CELF2: variants seen among roughly 807,000 people sequenced by gnomAD.
CELF2 encodes CUGBP Elav-like family member 2.
Under a neutral mutation model 62.6 loss-of-function variants are expected in CELF2, and 8 were observed. The observed-to-expected ratio is 0.13, with a 90% CI of 0.07 to 0.23. CELF2 has a LOEUF of 0.23. Among genes scored for constraint, CELF2 ranks in the 10% least tolerant of loss-of-function variants. The probability of loss-of-function intolerance (pLI) is 1.00; values close to 1 mark genes in which losing one functional copy is unlikely to be tolerated. For missense variants in CELF2, 333 were observed against 671.0 expected, an observed-to-expected ratio of 0.50 and a Z score of 5.56; for synonymous variants, 258 against 250.0, an observed-to-expected ratio of 1.03 and a Z score of -0.30.
chr10:11,319,457 C>T lies in CELF2; in HGVS notation c.1097-1732C>T, dbSNP rs1307337511. On this transcript the variant is annotated intron_variant, in intron 10 of 12. Coordinates refer to ENST00000633077, the MANE Select transcript of CELF2 (RefSeq NM_001326342.2). The surrounding 1 kb of genome is among the most constrained non-coding windows in gnomAD (Gnocchi z 4.4). ...GAGGTGGCCGCGATTTGCTGGTGTC[C>T]GAGGGATCATTTAGGGTAATTAGGA... Among the ~76,000 whole-genome samples the T allele has an allele frequency of 2.6e-5, 4 of 152,058 alleles. No individual in the cohort carries two copies. Among genetic ancestry groups the T allele is most frequent in the Non-Finnish European group, 1.5e-5 (1 of 68,006 alleles).
At chr10:10,498,015 A>G in the CELF2 span, among the ~76,000 whole-genome samples, 5 of 152,220 alleles carry the variant, frequency 3.3e-5, no homozygotes, top group Admixed American at 2.6e-4. Flanking sequence ...GACAGTCGTG[A>G]TAAGAGGCGG....
chr10:10,763,070 C>T, the CELF2 span, among the ~76,000 whole-genome samples: 1 of 152,212 alleles, frequency 6.6e-6, no homozygotes, highest in Admixed American at 6.5e-5. Flanking sequence ...GCGATCTCTG[C>T]TTAGCCTCTT....
chr10:10,798,482 G>T, upstream of CELF2: 1 of 331,146 alleles, frequency 3.0e-6, no homozygotes, highest in Middle Eastern at 7.9e-4. Context: ...TGAGAGCTGT[G>T]CTTGGAATAA....
chr10:11,283,985 T>C (rs62634802), intron 8 of CELF2, among the ~76,000 whole-genome samples: 6 of 120,748 alleles, frequency 5.0e-5, no homozygotes, highest in South Asian at 2.8e-4. Flanking sequence ...CGGATGAGTG[T>C]GTGGTGAGTG....
the CELF2 span, chr10:10,776,102 A>T: frequency 6.5e-6 from 1 of 152,752 alleles, no homozygotes; most frequent in Middle Eastern, 3.4e-3. Flanking sequence ...CAGCCCTCCA[A>T]CGTAAATACC....
the CELF2 span, among the ~76,000 whole-genome samples, chr10:10,695,332 G>T: frequency 2.7e-3 from 380 of 142,648 alleles, 3 homozygotes; most frequent in Non-Finnish European, 4.2e-3. Flanking sequence ...TTGAATATTG[G>T]CCCCCACTCT....
At chr10:10,826,758 G>A (rs562072622) in intron 1 of CELF2, among the ~76,000 whole-genome samples, 1 of 152,326 alleles carries the variant, frequency 6.6e-6, no homozygotes, top group Admixed American at 6.5e-5. Flanking sequence ...GATAAAGAAT[G>A]CTTTGTTCTA....
In CELF2 at chr10:10,938,717, A is replaced by T. The variant is rs1033092073; in HGVS notation, c.89+18718A>T. Among the ~76,000 whole-genome samples the T allele has an allele frequency of 2.6e-5, 4 of 151,634 alleles. No homozygotes were observed. Among genetic ancestry groups the T allele is most frequent in the African/African-American group, 7.3e-5 (3 of 41,252 alleles). On this transcript the variant is annotated intron_variant, in intron 2 of 13. Transcript: ENST00000636488. This position sits in a 1 kb window ranked among gnomAD's most constrained non-coding sequence, Gnocchi z 4.2. ...GAATTTGAGTCTAAGGACATGAGGG[A>T]GGGGGATGTGAGACAGGAATGGGGG... is the stretch of plus-strand genomic sequence containing the variant.
chr10:11,047,336 G>A (rs2063047607), intron 1 of CELF2, among the ~76,000 whole-genome samples: 1 of 152,302 alleles, frequency 6.6e-6, no homozygotes, highest in Admixed American at 6.5e-5. Context: ...CTAGGAGGGT[G>A]TTCTGTGGAT....
chr10:10,957,241 A>G lies in CELF2; in HGVS notation c.89+37242A>G, dbSNP rs74452993. 8.2e-4 allele frequency among the ~76,000 whole-genome samples: 125 copies of G among 152,354 alleles called. 3 individuals are homozygous for G. In the East Asian group the frequency reaches 0.024, roughly 29 times the overall value. On this transcript the variant is annotated intron_variant, in intron 2 of 13. Transcript: ENST00000636488. This position sits in a 1 kb window ranked among gnomAD's most constrained non-coding sequence, Gnocchi z 4.1. ...CCCACTAATTCACTCAAACCGATTT[A>G]TGTATTTAGATATGACCTCAGGTGC...
At position 11,268,918 on chromosome 10, in the gene CELF2, T is replaced by C. The variant is rs915885136; in HGVS notation, c.619-1748T>C. 1.3e-5 allele frequency among the ~76,000 whole-genome samples: 2 copies of C among 152,228 alleles called. No individual in the cohort carries two copies. The highest frequency in any genetic ancestry group is 4.8e-5 in the African/African-American group (2 of 41,442). On this transcript the variant is annotated intron_variant, in intron 6 of 12. Transcript: ENST00000633077. This position sits in a 1 kb window ranked among gnomAD's most constrained non-coding sequence, Gnocchi z 4.7. ...TATATCGTGCCTTCTGTTTCTCCAC[T>C]TGCCTTCACTCTATCCCTGCCCTGT... is the stretch of plus-strand genomic sequence containing the variant.
intron 1 of CELF2, among the ~76,000 whole-genome samples, chr10:11,131,783 A>G (rs780699842): frequency 5.3e-5 from 8 of 152,212 alleles, no homozygotes; most frequent in African/African-American, 9.6e-5. Flanking sequence ...TTTTGGGAAA[A>G]GAGAGGGTTC....
chr10:11,329,320 T>C lies in CELF2; in HGVS notation c.*267T>C, dbSNP rs758622202. 2 of 267,892 alleles carry C rather than the reference T, an allele frequency of 7.5e-6. No homozygotes were observed. The highest frequency in any genetic ancestry group is 6.9e-6 in the Non-Finnish European group (1 of 143,938). 16.6% of individuals were successfully genotyped at this position (267,892 alleles called of 1,614,324 possible). On this transcript the variant is annotated 3_prime_UTR_variant, in exon 13 of 13. Coordinates refer to ENST00000633077, the MANE Select transcript of CELF2 (RefSeq NM_001326342.2). The surrounding 1 kb of genome is among the most constrained non-coding windows in gnomAD (Gnocchi z 5.5). ...TCTCCTTTGTTTTGCGATTTGAATC[T>C]CCTTTTACCTTTTTTTTTAATTTTT...
chr10:11,023,780 A>G (rs1009643703), intron 1 of CELF2, among the ~76,000 whole-genome samples: 7 of 152,242 alleles, frequency 4.6e-5, no homozygotes, highest in Non-Finnish European at 5.9e-5. Flanking sequence ...AGATTTACGC[A>G]TTGGCCGTGC....
chr10:10,717,097 C>T, the CELF2 span, among the ~76,000 whole-genome samples: 2 of 152,104 alleles, frequency 1.3e-5, no homozygotes, highest in Non-Finnish European at 2.9e-5. Context: ...TTCTTGGTAA[C>T]CTGAGCTGAT....
chr10:10,504,750 C>T, the CELF2 span, among the ~76,000 whole-genome samples: 1 of 151,840 alleles, frequency 6.6e-6, no homozygotes, highest in Non-Finnish European at 1.5e-5. Context: ...GTATTTCTCT[C>T]TATTCAGAAT....
chr10:10,499,355 C>T, the CELF2 span, among the ~76,000 whole-genome samples: 1 of 152,070 alleles, frequency 6.6e-6, no homozygotes, highest in African/African-American at 2.4e-5. Context: ...CCACCATGCC[C>T]AGCCATTCTA....
the CELF2 span, among the ~76,000 whole-genome samples, chr10:10,718,775 A>G: frequency 5.3e-5 from 8 of 152,224 alleles, no homozygotes; most frequent in East Asian, 1.5e-3. Flanking sequence ...GAGTAGAACC[A>G]GCAGGTTTCC....
intron 1 of CELF2, among the ~76,000 whole-genome samples, chr10:11,087,728 C>G (rs567444176): frequency 6.6e-6 from 1 of 152,142 alleles, no homozygotes; most frequent in East Asian, 1.9e-4. Flanking sequence ...GCCTTTGAAC[C>G]CCACCCTGCG....
Sources: gnomAD v4.1 joint callset for allele counts (sites outside exome capture counted in the v4.1 genomes callset) on GRCh38, gnomAD v4.1.1 for gene constraint, Gnocchi (gnomAD v3.1) non-coding constraint, MANE v1.5 for transcripts, NCBI Gene and HGNC (gene_info 2026-07-23, HGNC 2026-07-21) for gene names.